The following DPP6 variants were observed in gnomAD, a reference collection of about 807,000 sequenced individuals.
DPP6 encodes the protein dipeptidyl peptidase like 6, also known as A-type potassium channel modulatory protein DPP6.
A neutral mutation model predicts 122.6 loss-of-function variants in DPP6; 69 were observed. The observed-to-expected ratio is 0.56, with a 90% CI of 0.46 to 0.69. The LOEUF is 0.69. DPP6 is among the 30% of genes least tolerant of loss of function. The pLI is 0.00. For missense variants in DPP6, 928 were observed against 1,116.9 expected (o/e 0.83, Z 2.41); for synonymous variants, 418 against 433.1 (o/e 0.97, Z 0.43).
chr7:153,836,293 G>A, the DPP6 span, among the ~76,000 whole-genome samples: 3 of 152,096 alleles, frequency 2.0e-5, no homozygotes, highest in East Asian at 1.9e-4. Flanking sequence ...GGTTCAGAGA[G>A]AAAATAGATG....
At chr7:153,800,971 A>G in the DPP6 span, among the ~76,000 whole-genome samples, 7 of 152,234 alleles carry the variant, frequency 4.6e-5, no homozygotes, top group Non-Finnish European at 1.0e-4. Flanking sequence ...AAAACATCAC[A>G]TGTACTTCAA....
chr7:154,303,489 G>A (rs1230463412), intron 1 of DPP6, among the ~76,000 whole-genome samples: 1 of 152,080 alleles, frequency 6.6e-6, no homozygotes, highest in Non-Finnish European at 1.5e-5. Flanking sequence ...GACCCTCTAA[G>A]GCCGACTCTT....
At chr7:154,533,232 G>A (rs561533418) in intron 3 of DPP6, among the ~76,000 whole-genome samples, 16 of 152,172 alleles carry the variant, frequency 1.1e-4, no homozygotes, top group Admixed American at 2.6e-4. Flanking sequence ...TGTTTTTCTC[G>A]TGTTGATGTG....
intron 1 of DPP6, among the ~76,000 whole-genome samples, chr7:154,061,869 C>A (rs1188772503): frequency 1.5e-5 from 2 of 134,662 alleles, no homozygotes; most frequent in South Asian, 5.3e-4. Context: ...GCGGAGGCAC[C>A]CCCCGCGAGG....
In DPP6 at chr7:154,079,969, TAAG is replaced by T. The variant is rs1269766344; in HGVS notation, c.243+26911_243+26913del. 4.6e-5 allele frequency among the ~76,000 whole-genome samples: 7 copies of T among 151,364 alleles called. No homozygotes were observed. In the South Asian group the frequency reaches 8.4e-4, roughly 18 times the overall value. Reference sequence around the variant, plus strand: ...TGGAGAAACAGAAGGGGATCCCAAATAAGAAGACTTGAAGGAAGTTTAAGAAAG... The same window carrying T: ...TGGAGAAACAGAAGGGGATCCCAAATAAGACTTGAAGGAAGTTTAAGAAAG... On this transcript the variant is annotated intron_variant, in intron 1 of 25. Coordinates refer to ENST00000377770, the MANE Select transcript of DPP6 (RefSeq NM_130797.4).
chr7:153,780,033 A>C, the DPP6 span, among the ~76,000 whole-genome samples: 13 of 151,720 alleles, frequency 8.6e-5, no homozygotes, highest in Admixed American at 8.6e-4. Flanking sequence ...GAGTTAAAAA[A>C]CACAGGTGCT....
rs143375761 is a variant in DPP6 at position 154,443,988 on chromosome 7, G to A, written c.244-2226G>A. Among the ~76,000 whole-genome samples the A allele has an allele frequency of 5.7e-4, 87 of 152,198 alleles. 1 individual carries two copies. In the East Asian group the frequency reaches 0.014, roughly 24 times the overall value. On this transcript the variant is annotated intron_variant, in intron 1 of 25. Transcript: ENST00000377770. ...ATGGAAAGCAGAATCAATCCTACTCGAATTTTCAACAGTTCAACTCCTGCA... is the reference window on the plus strand; with the variant it reads ...ATGGAAAGCAGAATCAATCCTACTCAAATTTTCAACAGTTCAACTCCTGCA...
chr7:154,595,639 G>C (rs1326423812), intron 5 of DPP6, among the ~76,000 whole-genome samples: 2 of 152,252 alleles, frequency 1.3e-5, no homozygotes, highest in African/African-American at 2.4e-5. Flanking sequence ...TTGCCAAGTA[G>C]AAAAGCCCTT....
At chr7:154,641,446 G>A (rs1586791796) in intron 6 of DPP6, among the ~76,000 whole-genome samples, 1 of 152,262 alleles carries the variant, frequency 6.6e-6, no homozygotes, top group African/African-American at 2.4e-5. Flanking sequence ...CTTCCATGGT[G>A]GAGTCAAGGA....
chr7:153,844,801 A>G, the DPP6 span, among the ~76,000 whole-genome samples: 1 of 152,200 alleles, frequency 6.6e-6, no homozygotes, highest in African/African-American at 2.4e-5. Flanking sequence ...AAATTATTTG[A>G]TGTGACTTAC....
chr7:154,841,189 G>A lies in DPP6; in HGVS notation c.1667-12591G>A, dbSNP rs190881015. Among the ~76,000 whole-genome samples, 10 of 152,222 alleles carry A rather than the reference G, an allele frequency of 6.6e-5. No individual in the cohort carries two copies. In the East Asian group the frequency reaches 1.5e-3, roughly 24 times the overall value. On this transcript the variant is annotated intron_variant, in intron 16 of 25. Coordinates refer to ENST00000377770, the MANE Select transcript of DPP6 (RefSeq NM_130797.4). ...CTGCGAGAAGTATGCTGAGAAGGCCGGGAAGTGGGGCCAGACACTCCATCC... is the reference window on the plus strand; with the variant it reads ...CTGCGAGAAGTATGCTGAGAAGGCCAGGAAGTGGGGCCAGACACTCCATCC...
Position 154,868,107 on chromosome 7 carries a change from T to C in DPP6, c.1813+14T>C. 1 of 1,588,242 alleles carries C rather than the reference T, an allele frequency of 6.3e-7. No homozygotes were observed. The highest frequency in any genetic ancestry group is 2.3e-5 in the East Asian group (1 of 44,122). ...TTGATGATTACAGTAAGTACTACGT[T>C]TTTCCCCTCTAAAAGAAAAAGAAAA... On this transcript the variant is annotated intron_variant, in intron 18 of 25. Coordinates refer to ENST00000377770, the MANE Select transcript of DPP6 (RefSeq NM_130797.4).
the DPP6 span, among the ~76,000 whole-genome samples, chr7:153,858,277 T>C: frequency 1.3e-5 from 2 of 152,184 alleles, no homozygotes; most frequent in Non-Finnish European, 2.9e-5. Context: ...CACAGATGAC[T>C]GTATCCACCA....
chr7:154,839,739 C>G (rs983180734), intron 16 of DPP6, among the ~76,000 whole-genome samples: 1 of 152,090 alleles, frequency 6.6e-6, no homozygotes, highest in Admixed American at 6.5e-5. Flanking sequence ...AGCGGGTGCT[C>G]AGGCAAAGAA....
At chr7:153,849,775 C>T in the DPP6 span, among the ~76,000 whole-genome samples, 2 of 152,078 alleles carry the variant, frequency 1.3e-5, no homozygotes, top group Admixed American at 6.6e-5. Flanking sequence ...ACTTGTATTC[C>T]ACTTTGTTTC....
At chr7:154,227,230 A>ACACACACACACACACACACACACC (rs1205135212) in intron 1 of DPP6, among the ~76,000 whole-genome samples, 149 of 151,526 alleles carry the variant, frequency 9.8e-4, no homozygotes, top group African/African-American at 2.4e-3. Flanking sequence ...ACACACACAC[A>ACACACACACACACACACACACACC]CCCCTAGGAA....
chr7:154,138,916 A>G (rs1187549432), intron 1 of DPP6, among the ~76,000 whole-genome samples: 3 of 152,292 alleles, frequency 2.0e-5, no homozygotes, highest in East Asian at 1.9e-4. Context: ...GAAACATGTC[A>G]GTTGCTGGAG....
chr7:154,872,134 A>AG (rs1804448501), intron 18 of DPP6, among the ~76,000 whole-genome samples: 1 of 152,168 alleles, frequency 6.6e-6, no homozygotes, highest in Non-Finnish European at 1.5e-5. Flanking sequence ...CTCTGCACAG[A>AG]GGCACTGCCA....
At position 154,104,048 on chromosome 7, in the gene DPP6, A is replaced by G. The variant is rs1398624953; in HGVS notation, c.243+50985A>G. ...TTCTCCCTAATAAGCTCCGTTTCAT[A>G]TACACATACATCCCACAGATCTGTC... is the stretch of plus-strand genomic sequence containing the variant. On this transcript the variant is annotated intron_variant, in intron 1 of 25. Coordinates refer to ENST00000377770, the MANE Select transcript of DPP6 (RefSeq NM_130797.4). Among the ~76,000 whole-genome samples the G allele has an allele frequency of 6.6e-5, 10 of 152,306 alleles. No homozygotes were observed. The East Asian group carries it at 1.7e-3, about 26-fold the overall frequency.
Sources: allele counts gnomAD v4.1 joint callset (sites outside exome capture counted in the v4.1 genomes callset), GRCh38; gene constraint gnomAD v4.1.1; transcripts MANE v1.5; gene names NCBI Gene and HGNC (gene_info 2026-07-23, HGNC 2026-07-21).